Variants in CDC16 observed in about 807,000 individuals in gnomAD.
The protein encoded by CDC16 is cell division cycle protein 16 homolog.
Under a neutral mutation model 87.0 loss-of-function variants are expected in CDC16, and 34 were observed. The observed-to-expected ratio is 0.39, with a 90% CI of 0.30 to 0.52. CDC16 has a LOEUF of 0.52. CDC16 is among the 20% of genes least tolerant of loss of function. CDC16 has a pLI of 0.74. For synonymous variants in CDC16, 263 were observed against 260.6 expected (o/e 1.01, Z -0.09); for missense variants, 653 against 751.9 (o/e 0.87, Z 1.54).
intron 12 of CDC16, among the ~76,000 whole-genome samples, chr13:114,256,779 G>A (rs1026926431): frequency 6.6e-6 from 1 of 152,168 alleles, no homozygotes; most frequent in South Asian, 2.1e-4. Context: ...TTAGCATCAA[G>A]GAGGAAGACA....
intron 17 of CDC16, among the ~76,000 whole-genome samples, chr13:114,269,471 A>G (rs1025710269): frequency 5.9e-5 from 9 of 152,266 alleles, no homozygotes; most frequent in African/African-American, 1.9e-4. Flanking sequence ...GTGATGTAGC[A>G]GTTCTACTCC....
intron 17 of CDC16, among the ~76,000 whole-genome samples, chr13:114,271,526 G>T (rs1412029646): frequency 6.6e-6 from 1 of 152,048 alleles, no homozygotes; most frequent in African/African-American, 2.4e-5. Context: ...CCAGGCTGGA[G>T]TGCAGTGGCA....
At position 114,242,284 on chromosome 13, in the gene CDC16, T is replaced by G; in HGVS notation, c.541+4T>G. The stretch of plus-strand genomic sequence containing the variant: ...CACATGCTGACAGCACAAGAAGGTT[T>G]GGAAACTCAGGCTTTTTTGTTTTAT... On this transcript the variant is annotated splice_donor_region_variant and intron_variant, in intron 6 of 17. Transcript: ENST00000356221. 2 of 1,598,210 alleles carry G rather than the reference T, an allele frequency of 1.3e-6. No homozygotes were observed. The highest frequency in any genetic ancestry group is 1.7e-6 in the Non-Finnish European group (2 of 1,175,948).
intron 3 of CDC16, among the ~76,000 whole-genome samples, chr13:114,237,887 C>T (rs969173362): frequency 1.3e-5 from 2 of 152,200 alleles, no homozygotes; most frequent in Non-Finnish European, 2.9e-5. Flanking sequence ...CTTTAAAACA[C>T]GGATGTGGTT....
rs2081279400 is a variant in CDC16 at position 114,236,915 on chromosome 13, T to C, written c.201+19T>C. The C allele has an allele frequency of 6.7e-7, 1 of 1,485,338 alleles. No homozygotes were observed. The highest frequency in any genetic ancestry group is 9.2e-7 in the Non-Finnish European group (1 of 1,087,410). The allele number at this position is 1,485,338 out of a possible 1,614,324, so 92.0% of individuals were successfully genotyped here. ...GGACAAAGTAAGTGATGGTATGAAC[T>C]TTAAAGCTCTTCAGAGCTTTAAAAA... On this transcript the variant is annotated intron_variant, in intron 3 of 17. Coordinates refer to ENST00000356221, the MANE Select transcript of CDC16 (RefSeq NM_001078645.3).
intron 13 of CDC16, among the ~76,000 whole-genome samples, chr13:114,258,058 T>C (rs975610471): frequency 1.3e-5 from 2 of 152,210 alleles, no homozygotes; most frequent in Non-Finnish European, 2.9e-5. Context: ...GTGCTGGGAT[T>C]ACAGGTGTGA....
At chr13:114,244,714 G>T (rs1467970916) in intron 8 of CDC16, 176 bp from the exon 9 acceptor site, 2 of 408,798 alleles carry the variant, frequency 4.9e-6, no homozygotes, top group South Asian at 9.2e-5. Flanking sequence ...TCTTTCATTT[G>T]TAACTTAATT....
chr13:114,244,021 C>CATGG, intron 8 of CDC16, 32 bp downstream of exon 8: 1 of 1,533,300 alleles, frequency 6.5e-7, no homozygotes, highest in Admixed American at 1.7e-5. Flanking sequence ...TCTGTAGGAA[C>CATGG]ATGGAGTTCA....
intron 16 of CDC16, 61 bp from the exon 17 acceptor site, chr13:114,265,089 A>G: frequency 8.6e-7 from 1 of 1,169,314 alleles, no homozygotes. Flanking sequence ...GAAATGAATC[A>G]GTGTGGTAAG....
chr13:114,236,472 T>C (rs1478010529), intron 1 of CDC16, among the ~76,000 whole-genome samples, 173 bp from the exon 2 acceptor site: 1 of 152,116 alleles, frequency 6.6e-6, no homozygotes, highest in African/African-American at 2.4e-5. Context: ...GAACTAAAAT[T>C]TACCCTACGT....
intron 11 of CDC16, 152 bp from the exon 12 acceptor site, chr13:114,250,397 T>G (rs1594602805): frequency 1.7e-6 from 1 of 577,574 alleles, no homozygotes; most frequent in Non-Finnish European, 2.9e-6. Flanking sequence ...GAGGTTGAGG[T>G]AGGAGAATTG....
chr13:114,250,881 A>C (rs1037669030), intron 12 of CDC16, among the ~76,000 whole-genome samples: 7 of 152,212 alleles, frequency 4.6e-5, no homozygotes, highest in Non-Finnish European at 1.0e-4. Context: ...AGTTGATTCC[A>C]ACCAGTGCAA....
chr13:114,239,686 G>A (rs940359295), intron 5 of CDC16, among the ~76,000 whole-genome samples, 196 bp downstream of exon 5: 49 of 152,182 alleles, frequency 3.2e-4, no homozygotes, highest in Middle Eastern at 3.2e-3. Flanking sequence ...AATTGTATCC[G>A]CAGATGCCTG....
rs769068062 is a variant in CDC16 at position 114,242,326 on chromosome 13, ATT to A, written c.541+47_541+48del. The A allele has an allele frequency of 4.3e-5, 68 of 1,571,652 alleles. No individual in the cohort carries two copies. The African/African-American group carries it at 9.1e-4, about 21-fold the overall frequency. ...TTGTTTTATGTTTAGCAAAATTAAT[ATT>A]GTTTGGATTTTTTGCCTCTGAAATC... is the stretch of plus-strand genomic sequence containing the variant. On this transcript the variant is annotated intron_variant, in intron 6 of 17. Coordinates refer to ENST00000356221, the MANE Select transcript of CDC16 (RefSeq NM_001078645.3).
chr13:114,240,196 T>C (rs996454959), intron 5 of CDC16, among the ~76,000 whole-genome samples: 2 of 151,978 alleles, frequency 1.3e-5, no homozygotes, highest in Middle Eastern at 3.4e-3. Context: ...TACCAATTTC[T>C]CTTTCTTCCC....
chr13:114,271,737 T>C (rs1756759427), intron 17 of CDC16, among the ~76,000 whole-genome samples: 1 of 152,026 alleles, frequency 6.6e-6, no homozygotes, highest in Admixed American at 6.6e-5. Context: ...CGCCTCGGCC[T>C]CCCAAAGTGC....
intron 13 of CDC16, among the ~76,000 whole-genome samples, chr13:114,259,089 A>C (rs1384230285): frequency 7.0e-6 from 1 of 142,742 alleles, no homozygotes; most frequent in African/African-American, 2.8e-5. Flanking sequence ...ACAGAGTGAG[A>C]CTCTTAAAAA....
chr13:114,251,459 T>C (rs541079552), intron 12 of CDC16, among the ~76,000 whole-genome samples: 2 of 152,384 alleles, frequency 1.3e-5, no homozygotes, highest in Non-Finnish European at 2.9e-5. Flanking sequence ...GAAAGTTAGC[T>C]ACTTGTGTTT....
intron 12 of CDC16, 32 bp from the exon 13 acceptor site, chr13:114,257,046 T>C: frequency 7.0e-7 from 1 of 1,437,110 alleles, no homozygotes; most frequent in Non-Finnish European, 9.6e-7. Context: ...CAGTTTTTGG[T>C]GTTGAATATG....
Sources: allele counts gnomAD v4.1 joint callset (sites outside exome capture counted in the v4.1 genomes callset), GRCh38; gene constraint gnomAD v4.1.1; transcripts MANE v1.5; gene names NCBI Gene and HGNC (gene_info 2026-07-23, HGNC 2026-07-21).